Variants in NALF1 observed in about 807,000 individuals in gnomAD.
The protein encoded by NALF1 is family with sequence similarity 155 member A.
Under a neutral mutation model 48.4 loss-of-function variants are expected in NALF1, and 3 were observed. The observed-to-expected ratio is 0.06, with a 90% CI of 0.03 to 0.16. The LOEUF (loss-of-function observed/expected upper bound fraction) is 0.16. Among genes scored for constraint, NALF1 ranks in the 10% least tolerant of loss-of-function variants. The pLI is 1.00. For missense variants in NALF1, 526 were observed against 571.5 expected (o/e 0.92, Z 0.81); for synonymous variants, 262 against 245.7 (o/e 1.07, Z -0.62).
chr13:107,793,059 A>C (rs576458259), intron 1 of NALF1, among the ~76,000 whole-genome samples: 2 of 152,316 alleles, frequency 1.3e-5, no homozygotes, highest in African/African-American at 4.8e-5. Flanking sequence ...ACCACAAATA[A>C]AACCTTTCTT....
intron 1 of NALF1, among the ~76,000 whole-genome samples, chr13:107,796,443 C>T (rs543939056): frequency 1.5e-3 from 227 of 152,242 alleles, no homozygotes; most frequent in Admixed American, 2.8e-3. Flanking sequence ...TTTATTTTCT[C>T]TCATTCGATG....
intron 1 of NALF1, among the ~76,000 whole-genome samples, chr13:107,446,292 T>C (rs974509074): frequency 2.0e-5 from 3 of 152,152 alleles, no homozygotes; most frequent in Non-Finnish European, 2.9e-5. Context: ...TCTAATTCTG[T>C]TCATCTTTTA....
At chr13:107,511,004 C>T (rs1262079318) in intron 1 of NALF1, among the ~76,000 whole-genome samples, 1 of 152,194 alleles carries the variant, frequency 6.6e-6, no homozygotes, top group South Asian at 2.1e-4. Context: ...AGGCTCCACT[C>T]TTAAGCCCTC....
intron 1 of NALF1, among the ~76,000 whole-genome samples, chr13:107,832,948 A>C (rs1221211382): frequency 6.6e-6 from 1 of 152,208 alleles, no homozygotes; most frequent in Non-Finnish European, 1.5e-5. Context: ...TCAGCAGCAC[A>C]GCGCCTGCTG....
chr13:107,785,357 A>C (rs191866577), intron 1 of NALF1, among the ~76,000 whole-genome samples: 39 of 152,232 alleles, frequency 2.6e-4, no homozygotes, highest in African/African-American at 9.1e-4. Flanking sequence ...ATATGATGGA[A>C]TACTACTCAG....
At chr13:107,685,745 G>A (rs72654998) in intron 1 of NALF1, among the ~76,000 whole-genome samples, 1,720 of 152,344 alleles carry the variant, frequency 0.011, 8 homozygotes, top group Non-Finnish European at 0.019. Flanking sequence ...ATAAAGAGCA[G>A]CAACATGGAA....
At chr13:107,662,361 G>C (rs1880754366) in intron 1 of NALF1, among the ~76,000 whole-genome samples, 1 of 152,294 alleles carries the variant, frequency 6.6e-6, no homozygotes, top group Non-Finnish European at 1.5e-5. Context: ...AGACAGAATA[G>C]AGCAGCCAAT....
At chr13:107,358,570 G>A (rs758667197) in intron 1 of NALF1, among the ~76,000 whole-genome samples, 2 of 152,036 alleles carry the variant, frequency 1.3e-5, no homozygotes, top group South Asian at 2.1e-4. Flanking sequence ...TGTGTAAGAC[G>A]GGTTAAAGAA....
At chr13:107,837,904 A>G (rs1367191502) in intron 1 of NALF1, among the ~76,000 whole-genome samples, 1 of 150,454 alleles carries the variant, frequency 6.6e-6, no homozygotes, top group South Asian at 2.1e-4. Flanking sequence ...ATCCTCCATC[A>G]ATACAGTATA....
intron 1 of NALF1, among the ~76,000 whole-genome samples, chr13:107,422,715 C>A (rs957296966): frequency 6.6e-6 from 1 of 151,942 alleles, no homozygotes; most frequent in African/African-American, 2.4e-5. Context: ...TGGGACTTTG[C>A]AGATGTGATT....
chr13:107,604,052 C>T (rs1489828031), intron 1 of NALF1, among the ~76,000 whole-genome samples: 2 of 152,104 alleles, frequency 1.3e-5, no homozygotes, highest in Non-Finnish European at 2.9e-5. Context: ...TATTCAAAGA[C>T]AGAAATGATT....
At chr13:107,456,722 A>C (rs1299054505) in intron 1 of NALF1, among the ~76,000 whole-genome samples, 2 of 152,200 alleles carry the variant, frequency 1.3e-5, no homozygotes, top group East Asian at 3.8e-4. Context: ...CCTAGACTTC[A>C]ATGCTAGGAA....
At chr13:107,711,390 C>A (rs1351465310) in intron 1 of NALF1, among the ~76,000 whole-genome samples, 1 of 152,230 alleles carries the variant, frequency 6.6e-6, no homozygotes, top group African/African-American at 2.4e-5. Context: ...GGCGGGAGTG[C>A]AGTGACGCAA....
chr13:107,704,206 C>CCT (rs1468469212), intron 1 of NALF1, among the ~76,000 whole-genome samples: 1 of 152,006 alleles, frequency 6.6e-6, no homozygotes, highest in African/African-American at 2.4e-5. Flanking sequence ...TCCCCACTAC[C>CCT]CTCTATTCAT....
At chr13:107,240,400 T>A (rs1452468371) in intron 1 of NALF1, among the ~76,000 whole-genome samples, 1 of 152,186 alleles carries the variant, frequency 6.6e-6, no homozygotes, top group African/African-American at 2.4e-5. Flanking sequence ...TAACAGCAAG[T>A]TCACTTCATC....
intron 1 of NALF1, among the ~76,000 whole-genome samples, chr13:107,801,811 A>G (rs1256866228): frequency 6.6e-6 from 1 of 152,126 alleles, no homozygotes; most frequent in African/African-American, 2.4e-5. Flanking sequence ...CATTTGCATA[A>G]ACAGCCTTCC....
intron 1 of NALF1, among the ~76,000 whole-genome samples, chr13:107,802,302 T>C (rs1456467556): frequency 4.6e-5 from 7 of 152,208 alleles, no homozygotes; most frequent in Non-Finnish European, 8.8e-5. Context: ...TTACCAAAAG[T>C]AGAAATGACG....
chr13:107,791,788 C>CCG (rs1566483347), intron 1 of NALF1, among the ~76,000 whole-genome samples: 2 of 150,192 alleles, frequency 1.3e-5, no homozygotes, highest in East Asian at 2.0e-4. Flanking sequence ...CGCCCCCCCC[C>CCG]GTCTCTACTA....
intron 1 of NALF1, among the ~76,000 whole-genome samples, chr13:107,399,516 C>T (rs1159605102): frequency 2.6e-5 from 4 of 152,042 alleles, no homozygotes; most frequent in African/African-American, 9.7e-5. Flanking sequence ...AGAGGTCCCC[C>T]TGCTGCCGGC....
Sources: allele counts gnomAD v4.1 joint callset (sites outside exome capture counted in the v4.1 genomes callset), GRCh38; gene constraint gnomAD v4.1.1; transcripts MANE v1.5; gene names NCBI Gene and HGNC (gene_info 2026-07-23, HGNC 2026-07-21).